SPATS2L: variants seen among roughly 807,000 people sequenced by gnomAD.
SPATS2L encodes spermatogenesis associated serine rich 2 like.
SPATS2L carries 30 observed loss-of-function variants against 59.6 expected under a neutral mutation model. The ratio of observed to expected loss-of-function variants is 0.50; its 90% CI spans 0.38 to 0.68. The LOEUF (loss-of-function observed/expected upper bound fraction) is 0.68, where lower values mean the gene tolerates loss of function less well. Ranked by LOEUF, SPATS2L falls within the 30% of genes least tolerant of loss-of-function variation. SPATS2L has a pLI of 0.00. For missense variants in SPATS2L, 615 were observed against 700.0 expected, an observed-to-expected ratio of 0.88 and a Z score of 1.37; for synonymous variants, 252 against 263.5, an observed-to-expected ratio of 0.96 and a Z score of 0.42.
chr2:200,324,298 G>A (rs566549691), intron 1 of SPATS2L, among the ~76,000 whole-genome samples: 1 of 152,302 alleles, frequency 6.6e-6, no homozygotes, highest in African/African-American at 2.4e-5. Flanking sequence ...ATGTAAGTGT[G>A]TGAGCTAAGT....
At chr2:200,367,318 T>C (rs1161212615) in intron 2 of SPATS2L, among the ~76,000 whole-genome samples, 2 of 152,194 alleles carry the variant, frequency 1.3e-5, no homozygotes, top group Non-Finnish European at 2.9e-5. Context: ...TGATGATCTC[T>C]GACCTGCTTA....
At chr2:200,346,025 T>A (rs1441478963) in intron 2 of SPATS2L, among the ~76,000 whole-genome samples, 2 of 152,210 alleles carry the variant, frequency 1.3e-5, no homozygotes, top group Non-Finnish European at 2.9e-5. Context: ...CCTCTGTCTG[T>A]CTACAAACCC....
At chr2:200,360,849 G>A (rs532810658) in intron 2 of SPATS2L, among the ~76,000 whole-genome samples, 236 of 152,218 alleles carry the variant, frequency 1.6e-3, no homozygotes, top group African/African-American at 5.6e-3. Flanking sequence ...TTGTGTGCTT[G>A]AAGATGGATC....
chr2:200,477,814 C>G lies in SPATS2L; in HGVS notation c.1460C>G (p.Ala487Gly), dbSNP rs1043442571. ...NGFRPKNKGG[A>G]KNQEASLGMK... ...TTCCGGCCCAAAAACAAAGGCGGTG[C>G]CAAAAATCAAGAGGCTTCCTTGGGG... is the stretch of plus-strand genomic sequence containing the variant. The change falls in exon 13 of 13, where the codon GCC becomes GGC. Residue 487 changes from alanine (A) to glycine (G), a missense_variant. Physicochemically the swap from Ala to Gly is moderately conservative, Grantham distance 60 (BLOSUM62 0). Coordinates refer to ENST00000409140, the MANE Select transcript of SPATS2L (RefSeq NM_001100423.2). 6.3e-7 allele frequency: 1 copy of G among 1,575,280 alleles called. No individual in the cohort carries two copies. Among genetic ancestry groups the G allele is most frequent in the South Asian group, 1.2e-5 (1 of 86,316 alleles).
At chr2:200,315,463 T>A (rs184797434) in intron 1 of SPATS2L, among the ~76,000 whole-genome samples, 1 of 152,276 alleles carries the variant, frequency 6.6e-6, no homozygotes, top group African/African-American at 2.4e-5. Flanking sequence ...CTCCTATTTG[T>A]GAGGCACCAG....
chr2:200,459,548 G>T (rs2086092292), intron 8 of SPATS2L, among the ~76,000 whole-genome samples: 1 of 152,194 alleles, frequency 6.6e-6, no homozygotes, highest in African/African-American at 2.4e-5. Context: ...TGTTGACAAT[G>T]ATTTAATCAG....
chr2:200,418,551 G>A lies in SPATS2L; in HGVS notation c.199-699G>A, dbSNP rs533533054. ...ATCACACAACTGCATTCCAGCCTGG[G>A]CGACAGAGCCAGAGTGAGACCTTAT... On this transcript the variant is annotated intron_variant, in intron 5 of 12. Transcript: ENST00000409140. Among the ~76,000 whole-genome samples the A allele has an allele frequency of 7.3e-5, 11 of 151,270 alleles. No homozygotes were observed. The South Asian group carries it at 2.3e-3, about 32-fold the overall frequency.
chr2:200,335,393 GA>G (rs35753131), intron 2 of SPATS2L, among the ~76,000 whole-genome samples: 45,868 of 149,030 alleles, frequency 0.31, 7,709 homozygotes, highest in East Asian at 0.57. Context: ...AAAAAAGAAA[GA>G]AAAAAAAAAG....
chr2:200,425,405 A>G (rs1390018371), intron 6 of SPATS2L, among the ~76,000 whole-genome samples: 1 of 152,188 alleles, frequency 6.6e-6, no homozygotes, highest in East Asian at 1.9e-4. Flanking sequence ...CAGCGGTGCC[A>G]GCTCTCAAAT....
intron 2 of SPATS2L, among the ~76,000 whole-genome samples, chr2:200,350,901 A>AT (rs1011742942): frequency 3.3e-5 from 5 of 151,468 alleles, no homozygotes; most frequent in Non-Finnish European, 5.9e-5. Context: ...AGTGTGGTTA[A>AT]TTTTTTTTTG....
At chr2:200,450,204 G>A (rs1043649369) in intron 8 of SPATS2L, among the ~76,000 whole-genome samples, 1 of 152,160 alleles carries the variant, frequency 6.6e-6, no homozygotes, top group Admixed American at 6.5e-5. Context: ...TATAAGTAAT[G>A]TATCTGTCAC....
chr2:200,329,781 C>CA (rs3036485), intron 2 of SPATS2L, among the ~76,000 whole-genome samples: 8,902 of 144,758 alleles, frequency 0.061, 507 homozygotes, highest in African/African-American at 0.16. Flanking sequence ...TTTGAAGTAC[C>CA]AAAAAAAAAA....
chr2:200,315,542 C>T (rs2079342840), intron 1 of SPATS2L, among the ~76,000 whole-genome samples: 1 of 152,140 alleles, frequency 6.6e-6, no homozygotes, highest in Non-Finnish European at 1.5e-5. Context: ...TGGGCTAAGT[C>T]CCAACTCCCC....
At chr2:200,436,106 G>C (rs766670070) in intron 6 of SPATS2L, among the ~76,000 whole-genome samples, 1 of 152,170 alleles carries the variant, frequency 6.6e-6, no homozygotes, top group Non-Finnish European at 1.5e-5. Flanking sequence ...AGGCTTATGT[G>C]TGAATCAGCC....
chr2:200,403,440 A>G (rs550195854), intron 3 of SPATS2L, among the ~76,000 whole-genome samples: 1 of 152,348 alleles, frequency 6.6e-6, no homozygotes, highest in Non-Finnish European at 1.5e-5. Context: ...TTATACTTAC[A>G]CACCAGCAAG....
Position 200,314,374 on chromosome 2 carries a change from G to A in SPATS2L, c.-73+7452G>A, listed in dbSNP as rs534416392. Among the ~76,000 whole-genome samples the A allele has an allele frequency of 3.3e-5, 5 of 152,112 alleles. 1 individual carries two copies. Among genetic ancestry groups the A allele is most frequent in the Admixed American group, 2.6e-4 (4 of 15,268 alleles). On this transcript the variant is annotated intron_variant, in intron 1 of 12. Coordinates refer to ENST00000409140, the MANE Select transcript of SPATS2L (RefSeq NM_001100423.2). The stretch of plus-strand genomic sequence containing the variant: ...ATAACCTTCATTACTGCCGTGGTTC[G>A]GGCCCTCATCCCTTCTCTTGAGGAT...
At chr2:200,348,426 TG>T (rs1321004155) in intron 2 of SPATS2L, among the ~76,000 whole-genome samples, 8 of 152,228 alleles carry the variant, frequency 5.3e-5, no homozygotes, top group African/African-American at 1.9e-4. Flanking sequence ...AAGCCAGTAT[TG>T]ATTTTCCAGA....
In SPATS2L at chr2:200,472,294, A is replaced by G. The variant is rs6720118; in HGVS notation, c.1061-538A>G. On this transcript the variant is annotated intron_variant, in intron 11 of 12. Transcript: ENST00000409140. ...TGTTTGGGGGATATGCATGACCCAG[A>G]GTAACAGAATTCCTAACATCCAACA... Among the ~76,000 whole-genome samples, 158 of 152,364 alleles carry G rather than the reference A, an allele frequency of 1.0e-3. 2 individuals are homozygous for G. Among genetic ancestry groups the G allele is most frequent in the African/African-American group, 3.7e-3 (153 of 41,582 alleles).
In SPATS2L at chr2:200,481,628, T is replaced by A. The variant is rs1444573162; in HGVS notation, c.*3597T>A. 6.6e-6 allele frequency: 1 copy of A among 152,260 alleles called. No individual in the cohort carries two copies. The highest frequency in any genetic ancestry group is 2.4e-5 in the African/African-American group (1 of 41,460). The allele number at this position is 152,260 out of a possible 1,614,324, so 9.4% of individuals were successfully genotyped here. A position where few individuals can be genotyped will look rare whatever the true frequency, so the allele number is the denominator to read the frequency against. ...CTACAGATGGTAAAACGTTTATTTC[T>A]CAACAGACATTCCAGTGATAGCATC... On this transcript the variant is annotated 3_prime_UTR_variant, in exon 13 of 13. Coordinates refer to ENST00000409140, the MANE Select transcript of SPATS2L (RefSeq NM_001100423.2).
Sources: gnomAD v4.1 joint callset for allele counts (sites outside exome capture counted in the v4.1 genomes callset) on GRCh38, gnomAD v4.1.1 for gene constraint, MANE v1.5 for transcripts, NCBI Gene and HGNC (gene_info 2026-07-23, HGNC 2026-07-21) for gene names.